COLEC12: variants seen among roughly 807,000 people sequenced by gnomAD.
COLEC12 encodes the protein collectin subfamily member 12.
In COLEC12, 33 loss-of-function variants were observed where a neutral mutation model predicts 71.1. The observed-to-expected ratio is 0.46, with a 90% CI of 0.35 to 0.62. COLEC12 has a LOEUF of 0.62. Ranked by LOEUF, COLEC12 falls within the 20% of genes least tolerant of loss-of-function variation. The pLI, the probability that COLEC12 is intolerant of heterozygous loss-of-function variation, is 0.00. For missense variants in COLEC12, 765 were observed against 916.1 expected (o/e 0.84, Z 2.13); for synonymous variants, 350 against 353.0 (o/e 0.99, Z 0.10).
intron 2 of COLEC12, among the ~76,000 whole-genome samples, chr18:372,699 G>A (rs1255136153): frequency 2.6e-5 from 4 of 152,116 alleles, no homozygotes; most frequent in African/African-American, 9.7e-5. Flanking sequence ...ATTACAACAT[G>A]AGCCACCATG....
intron 9 of COLEC12, among the ~76,000 whole-genome samples, chr18:320,751 C>T (rs1325592577): frequency 6.6e-6 from 1 of 152,072 alleles, no homozygotes; most frequent in Non-Finnish European, 1.5e-5. Flanking sequence ...CATTCATTCC[C>T]CATTTCCTCT....
chr18:475,076 A>AAAATAAAT (rs112466281), intron 2 of COLEC12, among the ~76,000 whole-genome samples: 6,727 of 151,372 alleles, frequency 0.044, 518 homozygotes, highest in African/African-American at 0.15. Context: ...CTCCGTCTCA[A>AAAATAAAT]AAATAAATAA....
intron 2 of COLEC12, among the ~76,000 whole-genome samples, chr18:448,664 G>A (rs1916700172): frequency 6.6e-6 from 1 of 152,108 alleles, no homozygotes; most frequent in Non-Finnish European, 1.5e-5. Flanking sequence ...AAGTCTGTGA[G>A]GCCAATTAGG....
At chr18:384,868 T>C (rs962533062) in intron 2 of COLEC12, among the ~76,000 whole-genome samples, 2 of 152,236 alleles carry the variant, frequency 1.3e-5, no homozygotes, top group African/African-American at 2.4e-5. Context: ...TAAGCACAGA[T>C]AGGCTGGGAC....
At chr18:457,846 G>C (rs1345817329) in intron 2 of COLEC12, among the ~76,000 whole-genome samples, 1 of 152,170 alleles carries the variant, frequency 6.6e-6, no homozygotes, top group Non-Finnish European at 1.5e-5. Flanking sequence ...CTGGATCCTT[G>C]ACTGTTTAGT....
In COLEC12 at chr18:399,378, G is replaced by A. The variant is rs1915633803; in HGVS notation, c.59-41856C>T. On this transcript the variant is annotated intron_variant, in intron 2 of 9. Coordinates refer to ENST00000400256, the MANE Select transcript of COLEC12 (RefSeq NM_130386.3). The surrounding 1 kb of genome is among the most constrained non-coding windows in gnomAD (Gnocchi z 4.0). The stretch of plus-strand genomic sequence containing the variant: ...TTTTTGGAAGGGTTCTCATCACTGT[G>A]TAGCGCGCAGCTCTGTGCCCCTGCC... Among the ~76,000 whole-genome samples the A allele has an allele frequency of 6.6e-6, 1 of 152,222 alleles. No homozygotes were observed. Among genetic ancestry groups the A allele is most frequent in the African/African-American group, 2.4e-5 (1 of 41,456 alleles).
In COLEC12 at chr18:427,741, A is replaced by T. The variant is rs114872914; in HGVS notation, c.58+52966T>A. ...TGAATCGAATGCGCACCTATTGACT[A>T]CATTTATTTGGGGCCTACCAAACAC... On this transcript the variant is annotated intron_variant, in intron 2 of 9. Transcript: ENST00000400256. Among the ~76,000 whole-genome samples the T allele has an allele frequency of 7.5e-3, 1,147 of 152,252 alleles. 20 individuals are homozygous for T. Among genetic ancestry groups the T allele is most frequent in the African/African-American group, 0.027 (1,101 of 41,544 alleles).
At chr18:325,841 T>A (rs1424598308) in intron 8 of COLEC12, among the ~76,000 whole-genome samples, 4 of 151,988 alleles carry the variant, frequency 2.6e-5, no homozygotes, top group African/African-American at 9.7e-5. Context: ...TTTTTAAGTT[T>A]TTTGTAGAGA....
Position 476,327 on chromosome 18 carries a change from A to G in COLEC12, c.58+4380T>C, listed in dbSNP as rs141241031. Among the ~76,000 whole-genome samples the G allele has an allele frequency of 4.0e-3, 604 of 152,308 alleles. 3 individuals carry two copies. The highest frequency in any genetic ancestry group is 0.014 in the African/African-American group (583 of 41,558). ...TCTTTTACTCTCATAGCTATTAATA[A>G]TTCCTATGCCTGAGCCCCAAAGAAG... On this transcript the variant is annotated intron_variant, in intron 2 of 9. Coordinates refer to ENST00000400256, the MANE Select transcript of COLEC12 (RefSeq NM_130386.3).
chr18:361,694 GGT>G (rs1914747661), intron 2 of COLEC12, among the ~76,000 whole-genome samples: 1 of 152,144 alleles, frequency 6.6e-6, no homozygotes, highest in African/African-American at 2.4e-5. Flanking sequence ...GGAACATATA[GGT>G]AGACCCACAG....
intron 5 of COLEC12, among the ~76,000 whole-genome samples, chr18:341,705 T>G (rs2143457867): frequency 1.3e-5 from 2 of 152,364 alleles, no homozygotes; most frequent in South Asian, 4.1e-4. Context: ...CTCTAGACAC[T>G]GCATTAAGTA....
intron 2 of COLEC12, among the ~76,000 whole-genome samples, chr18:411,373 T>C (rs2143636228): frequency 6.6e-6 from 1 of 152,124 alleles, no homozygotes; most frequent in South Asian, 2.1e-4. Flanking sequence ...AAAATGACAA[T>C]CAATAGATGC....
chr18:351,431 G>A (rs1914519029), intron 3 of COLEC12, among the ~76,000 whole-genome samples: 2 of 152,070 alleles, frequency 1.3e-5, no homozygotes, highest in South Asian at 4.1e-4. Context: ...GGGACTCACT[G>A]CACTGTGCTG....
At chr18:394,478 A>G (rs1915527136) in intron 2 of COLEC12, among the ~76,000 whole-genome samples, 1 of 152,246 alleles carries the variant, frequency 6.6e-6, no homozygotes. Flanking sequence ...CCACATGAAA[A>G]TGGCATCATG....
chr18:367,657 T>C (rs541552125), intron 2 of COLEC12, among the ~76,000 whole-genome samples: 2 of 152,186 alleles, frequency 1.3e-5, no homozygotes, highest in Non-Finnish European at 2.9e-5. Context: ...ATGATCCAAA[T>C]GAGGAAAAGT....
chr18:457,750 C>A (rs950839783), intron 2 of COLEC12, among the ~76,000 whole-genome samples: 2 of 152,176 alleles, frequency 1.3e-5, no homozygotes, highest in Admixed American at 1.3e-4. Flanking sequence ...CGACTTTTTG[C>A]TCTTTGCAGC....
chr18:351,669 G>C (rs1460808281), intron 3 of COLEC12, among the ~76,000 whole-genome samples: 2 of 152,204 alleles, frequency 1.3e-5, no homozygotes, highest in African/African-American at 4.8e-5. Context: ...CCAGGTTCAA[G>C]TGATTCTCCT....
At chr18:414,514 C>A (rs74666852) in intron 2 of COLEC12, among the ~76,000 whole-genome samples, 46,273 of 151,858 alleles carry the variant, frequency 0.3, 7,781 homozygotes, top group South Asian at 0.54. Flanking sequence ...AGGAGAATCA[C>A]TTGAACCCGG....
chr18:453,416 G>C (rs569715683), intron 2 of COLEC12, among the ~76,000 whole-genome samples: 1 of 152,278 alleles, frequency 6.6e-6, no homozygotes, highest in Non-Finnish European at 1.5e-5. Context: ...CCCCTGACCA[G>C]CATCCCCACC....
Sources: allele counts gnomAD v4.1 joint callset (sites outside exome capture counted in the v4.1 genomes callset), GRCh38; gene constraint gnomAD v4.1.1; non-coding constraint Gnocchi (gnomAD v3.1); transcripts MANE v1.5; gene names NCBI Gene and HGNC (gene_info 2026-07-23, HGNC 2026-07-21).